The following KPNB1 variants were observed in gnomAD, a reference collection of about 807,000 sequenced individuals.
KPNB1 encodes the protein importin subunit beta-1.
Under a neutral mutation model 113.0 loss-of-function variants are expected in KPNB1, and 7 were observed. The ratio of observed to expected loss-of-function variants is 0.06; its 90% CI spans 0.04 to 0.12. The LOEUF is 0.12. Ranked by LOEUF, KPNB1 falls within the 10% of genes least tolerant of loss-of-function variation. The pLI, the probability that KPNB1 is intolerant of heterozygous loss-of-function variation, is 1.00. For missense variants in KPNB1, 400 were observed against 1,054.8 expected, an observed-to-expected ratio of 0.38 and a Z score of 8.60; for synonymous variants, 363 against 378.6, an observed-to-expected ratio of 0.96 and a Z score of 0.48.
In KPNB1 at chr17:47,668,269, T is replaced by C; in HGVS notation, c.1083T>C (p.Asp361=). ...TGCTTCTGGCCACCTGCTGTGAAGA[T>C]GACATTGTCCCACATGTCCTCCCCT... ...CLMLLATCCE[D]DIVPHVLPFI... Residue 361 remains aspartate (D), a synonymous_variant, in exon 10 of 22, where the codon GAT becomes GAC. Coordinates refer to ENST00000290158, the MANE Select transcript of KPNB1 (RefSeq NM_002265.6). The C allele has an allele frequency of 6.2e-7, 1 of 1,614,168 alleles. No individual in the cohort carries two copies. The highest frequency in any genetic ancestry group is 8.5e-7 in the Non-Finnish European group (1 of 1,180,032).
chr17:47,651,336 C>T, intron 2 of KPNB1: 2 of 985,242 alleles, frequency 2.0e-6, no homozygotes, highest in Non-Finnish European at 2.4e-6. Context: ...GGGATGGGGT[C>T]AGAGGGAAGG....
intron 3 of KPNB1, among the ~76,000 whole-genome samples, chr17:47,654,016 A>G (rs1915651721): frequency 6.6e-6 from 1 of 152,218 alleles, no homozygotes; most frequent in South Asian, 2.1e-4. Context: ...TCAGTTTCTC[A>G]TCTTCCTTAA....
intron 7 of KPNB1, 111 bp downstream of exon 7, chr17:47,663,289 G>A (rs1644931510): frequency 1.5e-6 from 1 of 686,236 alleles, no homozygotes; most frequent in Non-Finnish European, 2.7e-6. Flanking sequence ...ATGGAATCAA[G>A]GAAATTCCTC....
At chr17:47,667,975 G>A (rs1257726213) in intron 9 of KPNB1, among the ~76,000 whole-genome samples, 1 of 152,172 alleles carries the variant, frequency 6.6e-6, no homozygotes, top group Non-Finnish European at 1.5e-5. Flanking sequence ...TTCTTGTTGT[G>A]TAGTACTAAA....
intron 3 of KPNB1, among the ~76,000 whole-genome samples, chr17:47,653,330 A>G (rs969137982): frequency 6.8e-5 from 9 of 132,766 alleles, no homozygotes; most frequent in Non-Finnish European, 1.2e-4. Flanking sequence ...CTGGAGTGCA[A>G]TGGCATGATC....
At chr17:47,664,919 C>T in intron 8 of KPNB1, 138 bp from the exon 9 acceptor site, 1 of 671,598 alleles carries the variant, frequency 1.5e-6, no homozygotes, top group Non-Finnish European at 2.6e-6. Context: ...TAGCACTTTC[C>T]AAGATCACAT....
rs2030585828 is a variant in KPNB1 at position 47,675,390 on chromosome 17, T to TTTTTTTTTTTTTTTTTTTTTTTTTC, written c.1912+617_1912+618insTTTTTTTTTTTTTTTCTTTTTTTTT. Among the ~76,000 whole-genome samples, 2 of 108,746 alleles carry TTTTTTTTTTTTTTTTTTTTTTTTTC rather than the reference T, an allele frequency of 1.8e-5. 1 individual carries two copies. The highest frequency in any genetic ancestry group is 3.8e-5 in the Non-Finnish European group (2 of 52,300). The allele number at this position is 108,746 out of a possible 152,430, so 71.3% of individuals were successfully genotyped here. A position where few individuals can be genotyped will look rare whatever the true frequency, so the allele number is the denominator to read the frequency against. ...TTTTTTTGTTTTTTTTTTTTGTTTG[T>TTTTTTTTTTTTTTTTTTTTTTTTTC]TTTTTTTTTGAGACTTGTTCTGTTG... On this transcript the variant is annotated intron_variant, in intron 15 of 21. Coordinates refer to ENST00000290158, the MANE Select transcript of KPNB1 (RefSeq NM_002265.6).
At chr17:47,650,815 G>T (rs1915538757) in intron 2 of KPNB1, among the ~76,000 whole-genome samples, 1 of 152,174 alleles carries the variant, frequency 6.6e-6, no homozygotes, top group Non-Finnish European at 1.5e-5. Context: ...GGGCCATGTG[G>T]AAGCTCCGGG....
At chr17:47,667,050 C>T (rs1010777661) in intron 9 of KPNB1, among the ~76,000 whole-genome samples, 1 of 152,160 alleles carries the variant, frequency 6.6e-6, no homozygotes, top group African/African-American at 2.4e-5. Flanking sequence ...GAAGCTATAC[C>T]TTGGATTCTA....
chr17:47,685,258 T>G lies in KPNB1; in HGVS notation c.*2854T>G, dbSNP rs1000645120. 1 of 152,216 alleles carries G rather than the reference T, an allele frequency of 6.6e-6. No individual in the cohort carries two copies. The highest frequency in any genetic ancestry group is 2.4e-5 in the African/African-American group (1 of 41,454). The allele number at this position is 152,216 out of a possible 1,614,324, so 9.4% of individuals were successfully genotyped here. A position where few individuals can be genotyped will look rare whatever the true frequency, so the allele number is the denominator to read the frequency against. The stretch of plus-strand genomic sequence containing the variant: ...TTAACTTTCAGAACCAAGCAATCTA[T>G]TTACTCTTACAAATATTTAAGAAGT... On this transcript the variant is annotated 3_prime_UTR_variant, in exon 22 of 22. Coordinates refer to ENST00000290158, the MANE Select transcript of KPNB1 (RefSeq NM_002265.6).
At chr17:47,667,293 G>A (rs2030317360) in intron 9 of KPNB1, among the ~76,000 whole-genome samples, 1 of 151,742 alleles carries the variant, frequency 6.6e-6, no homozygotes, top group African/African-American at 2.4e-5. Context: ...TACCCAGCTA[G>A]TCTTTGTATT....
At position 47,673,183 on chromosome 17, in the gene KPNB1, C is replaced by A. The variant is rs201088122; in HGVS notation, c.1695+18C>A. 2.9e-4 allele frequency: 466 copies of A among 1,612,882 alleles called. No individual in the cohort carries two copies. The highest frequency in any genetic ancestry group is 3.8e-4 in the Non-Finnish European group (451 of 1,179,426). ...AGATGGAGGTGAGACCTAAGAGTGC[C>A]CCTGACTATGGGTGGGAATTGGGTA... On this transcript the variant is annotated intron_variant, in intron 13 of 21. Transcript: ENST00000290158.
intron 16 of KPNB1, 119 bp downstream of exon 16, chr17:47,676,610 A>ACTTTT (rs1489171406): frequency 3.2e-5 from 23 of 715,246 alleles, no homozygotes; most frequent in South Asian, 3.0e-4. Context: ...CCTAAAAGGC[A>ACTTTT]AGCTACTTTA....
intron 17 of KPNB1, 98 bp from the exon 18 acceptor site, chr17:47,677,948 T>C (rs934267955): frequency 8.0e-7 from 1 of 1,250,066 alleles, no homozygotes; most frequent in Non-Finnish European, 1.1e-6. Flanking sequence ...CATCCAAATA[T>C]TTAAAATCAA....
At position 47,683,302 on chromosome 17, in the gene KPNB1, G is replaced by C. The variant is rs1326238155; in HGVS notation, c.*898G>C. 6.8e-6 allele frequency: 1 copy of C among 146,730 alleles called. No individual in the cohort carries two copies. 9.1% of individuals were successfully genotyped at this position (146,730 alleles called of 1,614,324 possible). On this transcript the variant is annotated 3_prime_UTR_variant, in exon 22 of 22. Coordinates refer to ENST00000290158, the MANE Select transcript of KPNB1 (RefSeq NM_002265.6). ...CTGTGAATGTAGAAGTGGGGGGGAG[G>C]GGGGAGAAAAAGAAAACTCTGGCGT...
In KPNB1 at chr17:47,682,681, A is replaced by G. The variant is rs1036190608; in HGVS notation, c.*277A>G. 2.3e-6 allele frequency: 1 copy of G among 438,280 alleles called. No individual in the cohort carries two copies. Among genetic ancestry groups the G allele is most frequent in the Non-Finnish European group, 4.1e-6 (1 of 244,600 alleles). The allele number at this position is 438,280 out of a possible 1,614,324, so 27.1% of individuals were successfully genotyped here. On this transcript the variant is annotated 3_prime_UTR_variant, in exon 22 of 22. Transcript: ENST00000290158. ...AGAAAAACAATGGAGTTACTTATTT[A>G]AAAAAAAAGAAAGAAAGTTATCTCT...
intron 4 of KPNB1, among the ~76,000 whole-genome samples, chr17:47,657,464 A>G (rs1028684458): frequency 6.6e-6 from 1 of 152,204 alleles, no homozygotes; most frequent in African/African-American, 2.4e-5. Context: ...CACTGGAGAC[A>G]CAGTATTTTA....
Position 47,684,914 on chromosome 17 carries a change from G to C in KPNB1, c.*2510G>C, listed in dbSNP as rs1221712834. 6 of 152,170 alleles carry C rather than the reference G, an allele frequency of 3.9e-5. No homozygotes were observed. Among genetic ancestry groups the C allele is most frequent in the Admixed American group, 3.9e-4 (6 of 15,268 alleles). The allele number at this position is 152,170 out of a possible 1,614,324, so 9.4% of individuals were successfully genotyped here. A position where few individuals can be genotyped will look rare whatever the true frequency, so the allele number is the denominator to read the frequency against. ...TCCTTATATCAGTTATACCACCTAA[G>C]GCAACTGGGTGCAAAATGCATTCTG... On this transcript the variant is annotated 3_prime_UTR_variant, in exon 22 of 22. Transcript: ENST00000290158.
At chr17:47,677,967 T>G in intron 17 of KPNB1, 79 bp from the exon 18 acceptor site, 2 of 1,382,650 alleles carry the variant, frequency 1.4e-6, no homozygotes, top group Non-Finnish European at 1.0e-6. Context: ...AATAGTTGCT[T>G]GTTAGAAATG....
Sources: gnomAD v4.1 joint callset for allele counts (sites outside exome capture counted in the v4.1 genomes callset) on GRCh38, gnomAD v4.1.1 for gene constraint, MANE v1.5 for transcripts, NCBI Gene and HGNC (gene_info 2026-07-23, HGNC 2026-07-21) for gene names.